ST8SIA2: variants seen among roughly 807,000 people sequenced by gnomAD.
ST8SIA2 encodes the protein ST8 alpha-N-acetyl-neuraminide alpha-2,8-sialyltransferase 2, also known as alpha-2,8-sialyltransferase 8B.
ST8SIA2 carries 22 observed loss-of-function variants against 37.6 expected under a neutral mutation model. The ratio of observed to expected loss-of-function variants is 0.58; its 90% CI spans 0.42 to 0.83. ST8SIA2 has a LOEUF of 0.83. ST8SIA2 is among the 40% of genes least tolerant of loss of function. ST8SIA2 has a pLI of 0.00. For synonymous variants in ST8SIA2, 205 were observed against 201.2 expected, an observed-to-expected ratio of 1.02 and a Z score of -0.16; for missense variants, 382 against 484.7, an observed-to-expected ratio of 0.79 and a Z score of 1.99.
chr15:92,395,929 A>T (rs2049427384), intron 1 of ST8SIA2, among the ~76,000 whole-genome samples: 2 of 152,224 alleles, frequency 1.3e-5, no homozygotes, highest in African/African-American at 4.8e-5. Context: ...ACATGCTGGG[A>T]ACTTTTAATT....
chr15:92,406,338 A>G (rs1312700867), intron 1 of ST8SIA2, among the ~76,000 whole-genome samples: 1 of 152,184 alleles, frequency 6.6e-6, no homozygotes, highest in Non-Finnish European at 1.5e-5. Flanking sequence ...GTTCCAGGTG[A>G]TGCTGACACT....
chr15:92,454,717 C>G (rs2049907397), intron 5 of ST8SIA2, among the ~76,000 whole-genome samples: 1 of 152,094 alleles, frequency 6.6e-6, no homozygotes, highest in African/African-American at 2.4e-5. Flanking sequence ...CTGCCCCAAC[C>G]TGAGCAGCTC....
At chr15:92,439,951 C>T (rs925758682) in intron 4 of ST8SIA2, among the ~76,000 whole-genome samples, 2 of 149,092 alleles carry the variant, frequency 1.3e-5, no homozygotes, top group African/African-American at 5.0e-5. Flanking sequence ...CCGGGGGAGG[C>T]GGGGGGGTGG....
intron 1 of ST8SIA2, among the ~76,000 whole-genome samples, chr15:92,418,024 G>A (rs1050565114): frequency 4.6e-5 from 7 of 152,152 alleles, no homozygotes; most frequent in African/African-American, 1.7e-4. Flanking sequence ...ACTTTCTGCA[G>A]GCATAGGAGG....
intron 5 of ST8SIA2, among the ~76,000 whole-genome samples, chr15:92,448,827 C>T (rs1375559306): frequency 1.3e-5 from 2 of 152,104 alleles, no homozygotes; most frequent in Admixed American, 6.5e-5. Flanking sequence ...AAACCAGTCA[C>T]TCATGAGTTC....
intron 1 of ST8SIA2, among the ~76,000 whole-genome samples, chr15:92,396,779 C>G (rs947272931): frequency 6.6e-5 from 10 of 152,086 alleles, no homozygotes; most frequent in African/African-American, 2.4e-4. Context: ...GTGAGCCACC[C>G]CTCCCGGCAC....
At chr15:92,416,710 G>T (rs1410274887) in intron 1 of ST8SIA2, among the ~76,000 whole-genome samples, 1 of 152,150 alleles carries the variant, frequency 6.6e-6, no homozygotes, top group East Asian at 1.9e-4. Context: ...TCGGGATTCA[G>T]TCCTGCACAG....
chr15:92,407,384 AGT>A (rs541843150), intron 1 of ST8SIA2, among the ~76,000 whole-genome samples: 166 of 152,244 alleles, frequency 1.1e-3, no homozygotes, highest in Non-Finnish European at 8.7e-4. Flanking sequence ...AGGAGGATAC[AGT>A]GTGTCCAGAA....
At chr15:92,459,251 G>A (rs772544472) in intron 5 of ST8SIA2, among the ~76,000 whole-genome samples, 10 of 152,184 alleles carry the variant, frequency 6.6e-5, no homozygotes, top group Non-Finnish European at 1.3e-4. Flanking sequence ...TAGGGCTTGA[G>A]TTCACTTAGG....
At chr15:92,440,215 T>C (rs769796740) in intron 4 of ST8SIA2, among the ~76,000 whole-genome samples, 23 of 152,204 alleles carry the variant, frequency 1.5e-4, no homozygotes, top group Admixed American at 3.9e-4. Flanking sequence ...CTCAGTTTTA[T>C]CATCTGTAAA....
chr15:92,396,510 T>G (rs1260214708), intron 1 of ST8SIA2, among the ~76,000 whole-genome samples: 3 of 152,070 alleles, frequency 2.0e-5, no homozygotes, highest in African/African-American at 7.2e-5. Context: ...TTTCTTTTTT[T>G]TGAGACGGAG....
chr15:92,438,197 G>A (rs950990523), intron 3 of ST8SIA2, among the ~76,000 whole-genome samples, 156 bp from the exon 4 acceptor site: 1 of 152,214 alleles, frequency 6.6e-6, no homozygotes, highest in Non-Finnish European at 1.5e-5. Context: ...ATCCCTGGCT[G>A]GAACCTGTTC....
At chr15:92,406,508 G>T (rs559948515) in intron 1 of ST8SIA2, among the ~76,000 whole-genome samples, 1 of 152,178 alleles carries the variant, frequency 6.6e-6, no homozygotes, top group Admixed American at 6.5e-5. Context: ...ATCTGAATCC[G>T]CTCAGTAACA....
At chr15:92,458,484 A>G (rs1567225494) in intron 5 of ST8SIA2, among the ~76,000 whole-genome samples, 3 of 152,264 alleles carry the variant, frequency 2.0e-5, no homozygotes, top group South Asian at 2.1e-4. Context: ...TTTGAATCCT[A>G]CTACAAAGGG....
At position 92,434,265 on chromosome 15, in the gene ST8SIA2, C is replaced by T. The variant is rs776191358; in HGVS notation, c.180C>T (p.Asn60=). The T allele has an allele frequency of 2.5e-5, 40 of 1,613,800 alleles. 1 individual carries two copies. The highest frequency in any genetic ancestry group is 3.1e-5 in the Non-Finnish European group (37 of 1,179,978). The part of the protein sequence containing the change: ...SKSNRAEVVI[N]GSSSPAVVDR... ...CTTCCAGAGCTGAAGTTGTAATAAA[C>T]GGCTCCTCATCACCAGCTGTTGTTG... is the stretch of plus-strand genomic sequence containing the variant. Residue 60 remains asparagine, a synonymous_variant, in exon 3 of 6, where the codon AAC becomes AAT. Transcript: ENST00000268164.
At chr15:92,427,601 T>G (rs2049686273) in intron 1 of ST8SIA2, among the ~76,000 whole-genome samples, 1 of 152,178 alleles carries the variant, frequency 6.6e-6, no homozygotes, top group Admixed American at 6.5e-5. Flanking sequence ...TCCCATACAC[T>G]CCTCAGCCCT....
chr15:92,429,951 G>A lies in ST8SIA2; in HGVS notation c.99-98G>A, dbSNP rs114526264. 3,061 of 1,315,166 alleles carry A rather than the reference G, an allele frequency of 2.3e-3. 65 individuals carry two copies. The African/African-American group carries it at 0.039, about 17-fold the overall frequency. 81.5% of individuals were successfully genotyped at this position (1,315,166 alleles called of 1,614,324 possible). A position where few individuals can be genotyped will look rare whatever the true frequency, so the allele number is the denominator to read the frequency against. On this transcript the variant is annotated intron_variant, in intron 1 of 5. Coordinates refer to ENST00000268164, the MANE Select transcript of ST8SIA2 (RefSeq NM_006011.4). ...CAGAATGAGGTCTCTTCCACCCTCT[G>A]TAGTTTTCCAGGTGGGCTATGGGAT...
chr15:92,443,318 G>A (rs1039180319), intron 4 of ST8SIA2, among the ~76,000 whole-genome samples: 4 of 152,136 alleles, frequency 2.6e-5, no homozygotes, highest in African/African-American at 9.7e-5. Flanking sequence ...GCCCTCTGCT[G>A]CCATCCCAGT....
chr15:92,423,521 T>C lies in ST8SIA2; in HGVS notation c.99-6528T>C, dbSNP rs542009629. Among the ~76,000 whole-genome samples, 11 of 152,362 alleles carry C rather than the reference T, an allele frequency of 7.2e-5. No homozygotes were observed. The South Asian group carries it at 2.1e-3, about 29-fold the overall frequency. ...GACAGAACAAATTTATTTCTCATAGTTCCGGAGGCTGAGAAGTCCAAGAGC... is the reference window on the plus strand; with the variant it reads ...GACAGAACAAATTTATTTCTCATAGCTCCGGAGGCTGAGAAGTCCAAGAGC... On this transcript the variant is annotated intron_variant, in intron 1 of 5. Transcript: ENST00000268164.
Sources: gnomAD v4.1 joint callset for allele counts (sites outside exome capture counted in the v4.1 genomes callset) on GRCh38, gnomAD v4.1.1 for gene constraint, MANE v1.5 for transcripts, NCBI Gene and HGNC (gene_info 2026-07-23, HGNC 2026-07-21) for gene names.